OAT: variants seen among roughly 807,000 people sequenced by gnomAD.
OAT encodes ornithine aminotransferase, mitochondrial.
A neutral mutation model predicts 48.4 loss-of-function variants in OAT; 35 were observed. The ratio of observed to expected loss-of-function variants is 0.72; its 90% CI spans 0.55 to 0.96. The LOEUF is 0.96. Ranked by LOEUF, OAT falls within the 40% of genes least tolerant of loss-of-function variation. The pLI, the probability that OAT is intolerant of heterozygous loss-of-function variation, is 0.00. For missense variants in OAT, 438 were observed against 537.9 expected (o/e 0.81, Z 1.84); for synonymous variants, 182 against 198.4 (o/e 0.92, Z 0.70).
intron 7 of OAT, among the ~76,000 whole-genome samples, 163 bp downstream of exon 7, chr10:124,402,764 T>A (rs1047524965): frequency 1.3e-5 from 2 of 152,206 alleles, no homozygotes; most frequent in African/African-American, 4.8e-5. Context: ...CACACACTGG[T>A]CCCTTAAATG....
At chr10:124,399,200 T>C (rs1414222418) in intron 9 of OAT, among the ~76,000 whole-genome samples, 1 of 152,042 alleles carries the variant, frequency 6.6e-6, no homozygotes, top group Admixed American at 6.6e-5. Flanking sequence ...ATAGCAGCGA[T>C]TCTCAACCTG....
At chr10:124,407,111 C>T (rs778026108) in intron 4 of OAT, 18 of 985,314 alleles carry the variant, frequency 1.8e-5, no homozygotes, top group Non-Finnish European at 2.2e-5. Context: ...TCTTGCAAAG[C>T]CTCTTTCACC....
chr10:124,409,031 A>G, intron 2 of OAT, 66 bp from the exon 3 acceptor site: 1 of 1,222,550 alleles, frequency 8.2e-7, no homozygotes, highest in South Asian at 1.3e-5. Context: ...CCAAAAATTA[A>G]GAGTGCTAGC....
intron 4 of OAT, among the ~76,000 whole-genome samples, chr10:124,407,871 C>T (rs1951627964): frequency 6.6e-6 from 1 of 152,116 alleles, no homozygotes; most frequent in African/African-American, 2.4e-5. Flanking sequence ...TCCCAGAAAC[C>T]TAACAAGGGC....
At chr10:124,400,240 G>C (rs1453852467) in intron 9 of OAT, among the ~76,000 whole-genome samples, 2 of 152,088 alleles carry the variant, frequency 1.3e-5, no homozygotes, top group Non-Finnish European at 2.9e-5. Context: ...ACGAGGTCAG[G>C]AGATCGAGAC....
At chr10:124,408,317 G>A (rs4962501) in intron 4 of OAT, among the ~76,000 whole-genome samples, 16,621 of 81,318 alleles carry the variant, frequency 0.2, 1,677 homozygotes, top group East Asian at 0.48. Context: ...GTGTGTGTGT[G>A]TATATATATA....
intron 1 of OAT, among the ~76,000 whole-genome samples, chr10:124,418,654 C>T (rs1951996273): frequency 6.6e-6 from 1 of 151,838 alleles, no homozygotes; most frequent in African/African-American, 2.4e-5. Context: ...TGCGCGCCGG[C>T]CGGAGACTCC....
At chr10:124,400,788 A>G in intron 9 of OAT, 52 bp downstream of exon 9, 1 of 1,348,158 alleles carries the variant, frequency 7.4e-7, no homozygotes, top group Non-Finnish European at 1.1e-6. Flanking sequence ...TACCAAGTGT[A>G]TTTTAGGTCT....
At chr10:124,412,404 A>C (rs989262619) in intron 1 of OAT, among the ~76,000 whole-genome samples, 1 of 152,018 alleles carries the variant, frequency 6.6e-6, no homozygotes, top group East Asian at 1.9e-4. Context: ...CCAGCTACTC[A>C]GGAGACTGAG....
intron 2 of OAT, 119 bp downstream of exon 2, chr10:124,411,854 T>C (rs1473222641): frequency 1.2e-5 from 10 of 814,844 alleles, no homozygotes; most frequent in East Asian, 1.0e-4. Flanking sequence ...GAATTAACCA[T>C]GTCTGCAATA....
chr10:124,403,072 A>C lies in OAT; in HGVS notation c.772-17T>G. 1 of 1,613,552 alleles carries C rather than the reference A, an allele frequency of 6.2e-7. No homozygotes were observed. Among genetic ancestry groups the C allele is most frequent in the Non-Finnish European group, 8.5e-7 (1 of 1,179,918 alleles). ...AAAGAGAACCTATTGGGGAAAAAAA[A>C]TACCCCTATTAGTGATCACTTTCGT... On this transcript the variant is annotated splice_polypyrimidine_tract_variant and intron_variant, in intron 6 of 9. Transcript: ENST00000368845.
intron 1 of OAT, chr10:124,415,073 C>A (rs562112071): frequency 2.3e-3 from 1 of 426 alleles, no homozygotes; most frequent in Admixed American, 0.029. Flanking sequence ...CTACAAAGCG[C>A]TAAAAAAAAA....
At chr10:124,407,462 G>A in intron 4 of OAT, 1 of 985,238 alleles carries the variant, frequency 1.0e-6, no homozygotes, top group Non-Finnish European at 1.2e-6. Context: ...GTTTGCAAGA[G>A]ACAGTTATGT....
chr10:124,400,749 C>T (rs1439251983), intron 9 of OAT, 91 bp downstream of exon 9: 10 of 1,102,558 alleles, frequency 9.1e-6, no homozygotes, highest in Admixed American at 2.4e-5. Context: ...GACTCCGTCT[C>T]GAAAAATAAA....
intron 2 of OAT, among the ~76,000 whole-genome samples, chr10:124,410,777 A>T (rs1951721956): frequency 6.6e-6 from 1 of 151,420 alleles, no homozygotes; most frequent in South Asian, 2.1e-4. Flanking sequence ...CAGCCTGGGC[A>T]ACAGAATGAG....
intron 1 of OAT, among the ~76,000 whole-genome samples, chr10:124,415,523 C>T (rs965368985): frequency 1.8e-4 from 28 of 152,202 alleles, no homozygotes; most frequent in Non-Finnish European, 1.8e-4. Flanking sequence ...ATCCTGTAAA[C>T]GCATTTCTAT....
At chr10:124,416,912 C>T (rs1050839888) in intron 1 of OAT, among the ~76,000 whole-genome samples, 20 of 149,876 alleles carry the variant, frequency 1.3e-4, no homozygotes, top group African/African-American at 4.2e-4. Context: ...GTCTCTTTGA[C>T]GTAATCAGTA....
intron 1 of OAT, among the ~76,000 whole-genome samples, chr10:124,415,966 T>C (rs1951906851): frequency 6.6e-6 from 1 of 152,190 alleles, no homozygotes; most frequent in South Asian, 2.1e-4. Context: ...TTTCAGTTGA[T>C]AAAAAATTAG....
intron 4 of OAT, among the ~76,000 whole-genome samples, chr10:124,407,906 A>C (rs1482863146): frequency 2.0e-5 from 3 of 152,152 alleles, no homozygotes; most frequent in Non-Finnish European, 4.4e-5. Flanking sequence ...TCTTTTCAAC[A>C]GCTTCTAAGT....
Sources: gnomAD v4.1 joint callset for allele counts (sites outside exome capture counted in the v4.1 genomes callset) on GRCh38, gnomAD v4.1.1 for gene constraint, MANE v1.5 for transcripts, NCBI Gene and HGNC (gene_info 2026-07-23, HGNC 2026-07-21) for gene names.